The following NREP variants were observed in gnomAD, a reference collection of about 807,000 sequenced individuals.
NREP encodes neuronal regeneration-related protein.
In NREP, 5 loss-of-function variants were observed where a neutral mutation model predicts 8.6. That is an observed-to-expected ratio of 0.58 (90% CI 0.30 to 1.22). The LOEUF (loss-of-function observed/expected upper bound fraction) is 1.22. Among genes scored for constraint, NREP ranks in the 50% most tolerant of loss-of-function variants. The pLI, the probability that NREP is intolerant of heterozygous loss-of-function variation, is 0.07. For synonymous variants in NREP, 27 were observed against 28.0 expected (o/e 0.96, Z 0.11); for missense variants, 86 against 82.5 (o/e 1.04, Z -0.17).
At chr5:111,765,233 C>T (rs1033604518) in intron 2 of NREP, among the ~76,000 whole-genome samples, 2 of 152,142 alleles carry the variant, frequency 1.3e-5, no homozygotes, top group African/African-American at 4.8e-5. Flanking sequence ...GTAGGGTTCA[C>T]AGTCCTATGA....
intron 2 of NREP, among the ~76,000 whole-genome samples, chr5:111,886,453 C>G (rs957100689): frequency 6.6e-6 from 1 of 152,038 alleles, no homozygotes; most frequent in African/African-American, 2.4e-5. Flanking sequence ...ACTATTTGAC[C>G]CAGCCATCCC....
chr5:111,792,166 T>C (rs1366993726), intron 2 of NREP, among the ~76,000 whole-genome samples: 1 of 152,224 alleles, frequency 6.6e-6, no homozygotes, highest in African/African-American at 2.4e-5. Context: ...TCACATATAA[T>C]TGATAGCTTA....
At chr5:111,871,846 C>CTATATATATATATATATATT (rs141111202) in intron 2 of NREP, among the ~76,000 whole-genome samples, 3 of 144,422 alleles carry the variant, frequency 2.1e-5, no homozygotes, top group African/African-American at 7.6e-5. Context: ...GTAGTACAGA[C>CTATATATATATATATATATT]TATATATATA....
intron 2 of NREP, among the ~76,000 whole-genome samples, chr5:111,854,188 T>G (rs1439610399): frequency 6.6e-6 from 1 of 152,170 alleles, no homozygotes; most frequent in Non-Finnish European, 1.5e-5. Context: ...AACACTCTCC[T>G]TCATGATGAA....
At chr5:111,858,078 C>T (rs1248020549) in intron 2 of NREP, among the ~76,000 whole-genome samples, 1 of 152,098 alleles carries the variant, frequency 6.6e-6, no homozygotes, top group Admixed American at 6.6e-5. Context: ...AGCAATGGTT[C>T]TCTGAGTTTC....
chr5:111,732,637 T>C (rs538373083), intron 3 of NREP: 41 of 144,090 alleles, frequency 2.8e-4, no homozygotes, highest in African/African-American at 9.8e-4. Context: ...AATCTTGGAA[T>C]CTTGGTACAC....
chr5:111,879,972 G>C (rs547094368), intron 2 of NREP, among the ~76,000 whole-genome samples: 1 of 152,260 alleles, frequency 6.6e-6, no homozygotes, highest in East Asian at 1.9e-4. Context: ...TTAAGGGCTG[G>C]GGCTTCAACA....
At chr5:111,758,071 A>G (rs1251467202), upstream of NREP, 3 of 985,394 alleles carry the variant, frequency 3.0e-6, no homozygotes, top group Non-Finnish European at 3.6e-6. Context: ...TCAGACACAC[A>G]AAGAGTCCGC....
At chr5:111,793,090 A>C (rs572343620) in intron 2 of NREP, among the ~76,000 whole-genome samples, 1 of 152,348 alleles carries the variant, frequency 6.6e-6, no homozygotes, top group South Asian at 2.1e-4. Context: ...GTCACCCAGT[A>C]AACTAGGTGC....
intron 2 of NREP, among the ~76,000 whole-genome samples, chr5:111,916,608 T>G (rs945361390): frequency 1.7e-4 from 26 of 152,280 alleles, no homozygotes; most frequent in African/African-American, 5.3e-4. Context: ...GTGAGATTCC[T>G]TGGCTTCAAA....
chr5:111,790,542 T>G (rs139502857), intron 2 of NREP, among the ~76,000 whole-genome samples: 1 of 152,050 alleles, frequency 6.6e-6, no homozygotes, highest in Admixed American at 6.6e-5. Context: ...GAAGGTTCAC[T>G]TGAGTCCAGG....
At chr5:111,932,946 G>A (rs1755582038) in intron 2 of NREP, among the ~76,000 whole-genome samples, 1 of 151,976 alleles carries the variant, frequency 6.6e-6, no homozygotes, top group African/African-American at 2.4e-5. Flanking sequence ...AACCAGACAA[G>A]GTCCCATAAA....
At chr5:111,812,643 C>T (rs1752296488) in intron 2 of NREP, among the ~76,000 whole-genome samples, 1 of 152,130 alleles carries the variant, frequency 6.6e-6, no homozygotes, top group African/African-American at 2.4e-5. Flanking sequence ...TAAAAAGTCA[C>T]ACCAATATTA....
At position 111,784,277 on chromosome 5, in the gene NREP, T is replaced by C. The variant is rs1581115325; in HGVS notation, c.136-48770A>G. ...ATGTTTAGTTTTGTCCATATTTTAC[T>C]GGCCAGAATTCTGTGGGTATGCCTG... is the stretch of plus-strand genomic sequence containing the variant. On this transcript the variant is annotated intron_variant, in intron 2 of 3. Coordinates refer to the NREP transcript ENST00000395634. Among the ~76,000 whole-genome samples, 3 of 152,288 alleles carry C rather than the reference T, an allele frequency of 2.0e-5. 1 individual carries two copies. The South Asian group carries it at 6.2e-4, about 32-fold the overall frequency.
At chr5:111,947,159 G>A (rs534292062) in intron 2 of NREP, among the ~76,000 whole-genome samples, 23 of 152,002 alleles carry the variant, frequency 1.5e-4, no homozygotes, top group African/African-American at 5.5e-4. Context: ...CCCTATTTTT[G>A]TATCCACTCC....
chr5:111,950,264 T>C (rs1266790143), intron 2 of NREP, among the ~76,000 whole-genome samples: 1 of 152,092 alleles, frequency 6.6e-6, no homozygotes, highest in Non-Finnish European at 1.5e-5. Flanking sequence ...CCATCTGATC[T>C]TCAACAAATC....
At chr5:111,887,019 G>C (rs1754270135) in intron 2 of NREP, among the ~76,000 whole-genome samples, 1 of 151,412 alleles carries the variant, frequency 6.6e-6, no homozygotes, top group Non-Finnish European at 1.5e-5. Context: ...AACATCCCAG[G>C]CTCAAGTGAT....
intron 2 of NREP, among the ~76,000 whole-genome samples, chr5:111,900,195 G>T (rs1342315869): frequency 6.6e-6 from 1 of 151,466 alleles, no homozygotes; most frequent in African/African-American, 2.4e-5. Flanking sequence ...CATGGGTCAA[G>T]GAAGAAATTA....
At chr5:111,952,521 T>C (rs997051800) in intron 2 of NREP, among the ~76,000 whole-genome samples, 1 of 152,144 alleles carries the variant, frequency 6.6e-6, no homozygotes, top group Non-Finnish European at 1.5e-5. Flanking sequence ...CTCTTCCTTG[T>C]GGATATTTCT....
Sources: gnomAD v4.1 joint callset for allele counts (sites outside exome capture counted in the v4.1 genomes callset) on GRCh38, gnomAD v4.1.1 for gene constraint, MANE v1.5 for transcripts, NCBI Gene and HGNC (gene_info 2026-07-23, HGNC 2026-07-21) for gene names.